Variants in BAG2 observed in about 807,000 individuals in gnomAD.
BAG2 encodes the protein BAG cochaperone 2.
A neutral mutation model predicts 16.4 loss-of-function variants in BAG2; 8 were observed. The observed-to-expected ratio is 0.49, with a 90% CI of 0.29 to 0.88. The LOEUF (loss-of-function observed/expected upper bound fraction) is 0.88, where lower values mean the gene tolerates loss of function less well. Among genes scored for constraint, BAG2 ranks in the 40% least tolerant of loss-of-function variants. The probability of loss-of-function intolerance (pLI) is 0.09; values close to 1 mark genes in which losing one functional copy is unlikely to be tolerated. For missense variants in BAG2, 218 were observed against 248.9 expected, an observed-to-expected ratio of 0.88 and a Z score of 0.84; for synonymous variants, 82 against 89.2, an observed-to-expected ratio of 0.92 and a Z score of 0.46.
intron 1 of BAG2, among the ~76,000 whole-genome samples, chr6:57,177,078 T>C (rs1764303946): frequency 6.6e-6 from 1 of 152,192 alleles, no homozygotes. Context: ...TAGCATTCTT[T>C]TGATATAGGA....
rs1292502126 is a variant in BAG2, at chr6:57,183,873, C to A, written c.319C>A (p.Gln107Lys). Residue 107 changes from glutamine to lysine, a missense_variant, in exon 3 of 3, where the codon CAA becomes AAA. Coordinates refer to ENST00000370693, the MANE Select transcript of BAG2 (RefSeq NM_004282.4). ...AGAAACAATTAGAAACCCCCAGCAGCAAGAATCCCTAAAGCATGCCACAAG... is the reference window on the plus strand; with the variant it reads ...AGAAACAATTAGAAACCCCCAGCAGAAAGAATCCCTAAAGCATGCCACAAG... ...SVETIRNPQQQESLKHATRII... is the reference protein window; with the variant it reads ...SVETIRNPQQKESLKHATRII... The A allele has an allele frequency of 1.2e-6, 2 of 1,614,054 alleles. No individual in the cohort carries two copies. Among genetic ancestry groups the A allele is most frequent in the South Asian group, 1.1e-5 (1 of 91,030 alleles).
intron 1 of BAG2, among the ~76,000 whole-genome samples, chr6:57,175,948 G>C (rs1255889988): frequency 6.6e-6 from 1 of 152,178 alleles, no homozygotes; most frequent in African/African-American, 2.4e-5. Flanking sequence ...GACTTGCAAC[G>C]GTGGAGGGTG....
At chr6:57,183,656 G>A (rs1764537902) in intron 2 of BAG2, 122 bp from the exon 3 acceptor site, 2 of 787,098 alleles carry the variant, frequency 2.5e-6, no homozygotes, top group East Asian at 2.7e-5. Flanking sequence ...ACATGCTATA[G>A]TTTCAGCTTT....
At chr6:57,180,128 T>C (rs1419020549) in intron 1 of BAG2, among the ~76,000 whole-genome samples, 3 of 152,028 alleles carry the variant, frequency 2.0e-5, no homozygotes, top group Non-Finnish European at 4.4e-5. Flanking sequence ...ACAGCACTTC[T>C]CAAACCAGTA....
chr6:57,172,777 G>C lies in BAG2; in HGVS notation c.80G>C (p.Arg27Pro). Reference sequence around the variant, plus strand: ...TCCTCCATGGCTGACCGCTCCAGCCGCCTGCTGGAGAGCCTGGACCAGCTG... The same window carrying C: ...TCCTCCATGGCTGACCGCTCCAGCCCCCTGCTGGAGAGCCTGGACCAGCTG... The part of the protein sequence containing the change: ...RSSSMADRSS[R>P]LLESLDQLEL... The change falls in exon 1 of 3, where the codon CGC (arginine) becomes CCC (proline). Residue 27 changes from arginine to proline, a missense_variant. Arg to Pro is a moderately radical substitution (Grantham distance 103). This residue lies in a region of BAG2 where 75 missense variants were observed against 63.1 expected (regional missense o/e 1.19). Transcript: ENST00000370693. 1 of 1,571,776 alleles carries C rather than the reference G, an allele frequency of 6.4e-7. No homozygotes were observed. The highest frequency in any genetic ancestry group is 1.8e-5 in the Admixed American group (1 of 55,254).
chr6:57,172,726 C>T lies in BAG2; in HGVS notation c.29C>T (p.Ala10Val), dbSNP rs770777063. ...GCTCAGGCGAAGATCAACGCTAAAG[C>T]CAACGAGGGGCGCTTCTGCCGCTCC... MAQAKINAK[A>V]NEGRFCRSSS... Residue 10 changes from alanine (A) to valine (V), a missense_variant, in exon 1 of 3, where the codon GCC (alanine) becomes GTC (valine). Physicochemically the swap from Ala to Val is moderately conservative, Grantham distance 64. Around this residue, in one of 3 missense-constraint regions of BAG2, gnomAD observed 75 missense variants for 63.1 expected, o/e 1.19. Coordinates refer to ENST00000370693, the MANE Select transcript of BAG2 (RefSeq NM_004282.4). The T allele has an allele frequency of 2.5e-6, 4 of 1,580,138 alleles. 1 individual carries two copies. In the South Asian group the frequency reaches 3.5e-5, roughly 14 times the overall value.
chr6:57,186,739 C>G lies in BAG2; in HGVS notation c.*2549C>G, dbSNP rs1375026181. ...TTTAAACTATTGTCTTTTATATAGACTATAAGTGGATATAGAGTATGTTTT... is the reference window on the plus strand; with the variant it reads ...TTTAAACTATTGTCTTTTATATAGAGTATAAGTGGATATAGAGTATGTTTT... On this transcript the variant is annotated 3_prime_UTR_variant, in exon 3 of 3. Coordinates refer to ENST00000370693, the MANE Select transcript of BAG2 (RefSeq NM_004282.4). 1 of 152,170 alleles carries G rather than the reference C, an allele frequency of 6.6e-6. No homozygotes were observed. The highest frequency in any genetic ancestry group is 1.5e-5 in the Non-Finnish European group (1 of 68,034). The allele number at this position is 152,170 out of a possible 1,614,324, so 9.4% of individuals were successfully genotyped here. A position where few individuals can be genotyped will look rare whatever the true frequency, so the allele number is the denominator to read the frequency against.
At position 57,181,359 on chromosome 6, in the gene BAG2, A is replaced by G. The variant is rs145440636; in HGVS notation, c.114-673A>G. Among the ~76,000 whole-genome samples the G allele has an allele frequency of 3.5e-3, 535 of 152,320 alleles. 1 individual carries two copies. Among genetic ancestry groups the G allele is most frequent in the African/African-American group, 0.012 (516 of 41,562 alleles). On this transcript the variant is annotated intron_variant, in intron 1 of 2. Coordinates refer to ENST00000370693, the MANE Select transcript of BAG2 (RefSeq NM_004282.4). ...GAGGGAAAATCAGGTAGGTATACAC[A>G]TGGAGTATTATACAGCAATTAGCAG... is the stretch of plus-strand genomic sequence containing the variant.
At chr6:57,176,274 A>G (rs1452590274) in intron 1 of BAG2, among the ~76,000 whole-genome samples, 1 of 152,220 alleles carries the variant, frequency 6.6e-6, no homozygotes, top group East Asian at 1.9e-4. Flanking sequence ...TCACACAACT[A>G]GAGAGTAGTA....
At chr6:57,181,559 C>T (rs1237748306) in intron 1 of BAG2, among the ~76,000 whole-genome samples, 2 of 151,914 alleles carry the variant, frequency 1.3e-5, no homozygotes, top group Admixed American at 6.6e-5. Context: ...GGTGAAACCC[C>T]GTCTCTACTA....
intron 1 of BAG2, among the ~76,000 whole-genome samples, chr6:57,175,914 TTGG>T (rs1764271997): frequency 6.6e-6 from 1 of 152,182 alleles, no homozygotes; most frequent in South Asian, 2.1e-4. Flanking sequence ...TTGAAGCCAG[TTGG>T]TCAGAAGTTC....
At chr6:57,174,220 AAC>A in intron 1 of BAG2, 2 of 1,126,342 alleles carry the variant, frequency 1.8e-6, no homozygotes, top group Non-Finnish European at 2.2e-6. Context: ...CATAACAAGT[AAC>A]ACACATCTCT....
In BAG2 at chr6:57,172,712, G is replaced by A; in HGVS notation, c.15G>A (p.Lys5=). The change falls in exon 1 of 3, where the codon AAG becomes AAA. Residue 5 remains lysine, a synonymous_variant. Coordinates refer to ENST00000370693, the MANE Select transcript of BAG2 (RefSeq NM_004282.4). ...CGGAGGCTTAGATGGCTCAGGCGAAGATCAACGCTAAAGCCAACGAGGGGC... is the reference window on the plus strand; with the variant it reads ...CGGAGGCTTAGATGGCTCAGGCGAAAATCAACGCTAAAGCCAACGAGGGGC... MAQA[K]INAKANEGRF... 1 of 1,573,642 alleles carries A rather than the reference G, an allele frequency of 6.4e-7. No individual in the cohort carries two copies. The highest frequency in any genetic ancestry group is 8.6e-7 in the Non-Finnish European group (1 of 1,162,908).
intron 1 of BAG2, among the ~76,000 whole-genome samples, chr6:57,175,835 G>A (rs898680265): frequency 4.6e-5 from 7 of 152,148 alleles, no homozygotes; most frequent in African/African-American, 1.4e-4. Flanking sequence ...ATATAAGTAA[G>A]TGTTTCCCTG....
rs994126548 is a variant in BAG2 at position 57,184,383 on chromosome 6, C to G, written c.*193C>G. 1.3e-5 allele frequency: 6 copies of G among 458,682 alleles called. No homozygotes were observed. The highest frequency in any genetic ancestry group is 1.2e-4 in the African/African-American group (6 of 49,390). The allele number at this position is 458,682 out of a possible 1,614,324, so 28.4% of individuals were successfully genotyped here. A position where few individuals can be genotyped will look rare whatever the true frequency, so the allele number is the denominator to read the frequency against. On this transcript the variant is annotated 3_prime_UTR_variant, in exon 3 of 3. Coordinates refer to ENST00000370693, the MANE Select transcript of BAG2 (RefSeq NM_004282.4). ...AACTAGCAATATTTTAATTATCTAT[C>G]TAGAGATTTTTTAGATTGAATTCTT...
chr6:57,183,328 G>C, intron 2 of BAG2, among the ~76,000 whole-genome samples: 1 of 152,214 alleles, frequency 6.6e-6, no homozygotes. Context: ...ATTGACGACA[G>C]AAGACAGCTT....
intron 2 of BAG2, among the ~76,000 whole-genome samples, chr6:57,183,574 A>T (rs1385483548): frequency 2.0e-5 from 3 of 152,168 alleles, no homozygotes; most frequent in Admixed American, 6.5e-5. Context: ...GGTATCCCAT[A>T]TATGCAGATT....
intron 1 of BAG2, among the ~76,000 whole-genome samples, chr6:57,179,912 AC>A (rs1257110706): frequency 1.3e-5 from 2 of 151,580 alleles, no homozygotes; most frequent in Admixed American, 6.6e-5. Flanking sequence ...AGACAAAGAT[AC>A]CCCCATGATT....
In BAG2 at chr6:57,172,768, G is replaced by T; in HGVS notation, c.71G>T (p.Arg24Leu). The T allele has an allele frequency of 6.3e-7, 1 of 1,575,938 alleles. No homozygotes were observed. Among genetic ancestry groups the T allele is most frequent in the Non-Finnish European group, 8.6e-7 (1 of 1,164,052 alleles). ...TGCCGCTCCTCCTCCATGGCTGACCGCTCCAGCCGCCTGCTGGAGAGCCTG... is the reference window on the plus strand; with the variant it reads ...TGCCGCTCCTCCTCCATGGCTGACCTCTCCAGCCGCCTGCTGGAGAGCCTG... ...RFCRSSSMAD[R>L]SSRLLESLDQ... is the part of the protein sequence containing the mutation. Residue 24 changes from arginine (R) to leucine (L), a missense_variant, in exon 1 of 3, where the codon CGC becomes CTC. Transcript: ENST00000370693.
Sources: allele counts gnomAD v4.1 joint callset (sites outside exome capture counted in the v4.1 genomes callset), GRCh38; gene constraint gnomAD v4.1.1; regional missense constraint gnomAD v4.1.1; transcripts MANE v1.5; gene names NCBI Gene and HGNC (gene_info 2026-07-23, HGNC 2026-07-21).